Variants in TRAK1 observed in about 807,000 individuals in gnomAD.
TRAK1 encodes the protein trafficking kinesin protein 1.
A neutral mutation model predicts 92.1 loss-of-function variants in TRAK1; 33 were observed. The ratio of observed to expected loss-of-function variants is 0.36; its 90% CI spans 0.27 to 0.48. TRAK1 has a LOEUF of 0.48. TRAK1 is among the 20% of genes least tolerant of loss of function. TRAK1 has a pLI of 0.99. For synonymous variants in TRAK1, 521 were observed against 517.3 expected, an observed-to-expected ratio of 1.01 and a Z score of -0.10; for missense variants, 1,123 against 1,257.9, an observed-to-expected ratio of 0.89 and a Z score of 1.62.
At chr3:42,015,852 C>G (rs888377261) in intron 1 of TRAK1, among the ~76,000 whole-genome samples, 2 of 151,996 alleles carry the variant, frequency 1.3e-5, no homozygotes, top group African/African-American at 2.4e-5. Context: ...GCCTGGCCAA[C>G]ATGGTGAAAC....
intron 1 of TRAK1, among the ~76,000 whole-genome samples, chr3:42,052,225 C>A (rs1466492411): frequency 6.6e-6 from 1 of 152,240 alleles, no homozygotes; most frequent in Non-Finnish European, 1.5e-5. Context: ...CTTGCTCTTT[C>A]AGCAGTAGCC....
chr3:42,030,689 AATATATATATATATATATATATAT>A (rs57651073), intron 1 of TRAK1, among the ~76,000 whole-genome samples: 1,851 of 97,652 alleles, frequency 0.019, 263 homozygotes, highest in African/African-American at 0.035. Context: ...AAAAAAAAAG[AATATATATATATATATATATATAT>A]ATATATATAT....
At chr3:42,159,973 A>G (rs1399940222) in intron 2 of TRAK1, among the ~76,000 whole-genome samples, 1 of 151,662 alleles carries the variant, frequency 6.6e-6, no homozygotes, top group Admixed American at 6.6e-5. Context: ...GGAAGCTACC[A>G]CTCCTCATTG....
upstream of TRAK1, among the ~76,000 whole-genome samples, chr3:42,085,812 T>C (rs1378489085): frequency 6.6e-6 from 1 of 152,236 alleles, no homozygotes; most frequent in African/African-American, 2.4e-5. Context: ...TCATATGTAT[T>C]GTAATAGAAA....
Position 42,125,996 on chromosome 3 carries a change from G to A in TRAK1, c.286+382G>A, listed in dbSNP as rs368161967. ...CTCCCGAGTAGCTGGGGCTACAGGC[G>A]CGCACCACCATGCCCGGCTAATTTT... On this transcript the variant is annotated intron_variant, in intron 2 of 15. Coordinates refer to ENST00000327628, the MANE Select transcript of TRAK1 (RefSeq NM_001042646.3). Among the ~76,000 whole-genome samples the A allele has an allele frequency of 7.2e-5, 11 of 152,002 alleles. No individual in the cohort carries two copies. The South Asian group carries it at 1.0e-3, about 14-fold the overall frequency.
At chr3:42,105,863 T>C (rs765386035) in intron 1 of TRAK1, among the ~76,000 whole-genome samples, 60 of 152,156 alleles carry the variant, frequency 3.9e-4, no homozygotes, top group Non-Finnish European at 7.1e-4. Context: ...GGGGCCAATA[T>C]CCAACATTCT....
intron 13 of TRAK1, among the ~76,000 whole-genome samples, chr3:42,207,485 G>A (rs968877193): frequency 1.3e-5 from 2 of 152,104 alleles, no homozygotes; most frequent in East Asian, 1.9e-4. Context: ...TCTGAACCCC[G>A]GCTATGCCAC....
intron 1 of TRAK1, among the ~76,000 whole-genome samples, chr3:42,112,911 C>T (rs908585570): frequency 6.6e-6 from 1 of 152,036 alleles, no homozygotes; most frequent in African/African-American, 2.4e-5. Context: ...GCTGGGGCTA[C>T]AGGTGTGTGC....
At chr3:42,131,311 C>T (rs1697167625) in intron 2 of TRAK1, among the ~76,000 whole-genome samples, 1 of 152,170 alleles carries the variant, frequency 6.6e-6, no homozygotes, top group Non-Finnish European at 1.5e-5. Context: ...CCCAGAGTTC[C>T]CTTTTGTCTC....
intron 14 of TRAK1, among the ~76,000 whole-genome samples, chr3:42,213,054 AT>A (rs34073573): frequency 0.09 from 10,120 of 112,980 alleles, 637 homozygotes; most frequent in African/African-American, 0.25. Context: ...TGGAGCTGAG[AT>A]TTTTTTTTTT....
chr3:42,147,657 T>G (rs1326235813), intron 2 of TRAK1, among the ~76,000 whole-genome samples: 1 of 152,164 alleles, frequency 6.6e-6, no homozygotes, highest in South Asian at 2.1e-4. Flanking sequence ...GTTGGATCCT[T>G]GCAGTCCACA....
chr3:42,121,967 G>A (rs899128921), intron 1 of TRAK1, among the ~76,000 whole-genome samples: 2 of 152,082 alleles, frequency 1.3e-5, no homozygotes, highest in African/African-American at 4.8e-5. Flanking sequence ...ACCAGCGTGC[G>A]CCGCTATGCC....
intron 2 of TRAK1, among the ~76,000 whole-genome samples, chr3:42,141,686 C>G (rs184578995): frequency 6.6e-6 from 1 of 152,250 alleles, no homozygotes; most frequent in Admixed American, 6.5e-5. Context: ...CTCGACATTG[C>G]TAGGTTTGTG....
At chr3:42,205,860 T>TC (rs1708270212) in intron 13 of TRAK1, among the ~76,000 whole-genome samples, 1 of 152,236 alleles carries the variant, frequency 6.6e-6, no homozygotes, top group South Asian at 2.1e-4. Context: ...AGTCATGTTT[T>TC]CCCCACTGTC....
chr3:42,209,910 G>A lies in TRAK1; in HGVS notation c.1888G>A (p.Glu630Lys), dbSNP rs1417907503. The A allele has an allele frequency of 6.2e-7, 1 of 1,614,238 alleles. No individual in the cohort carries two copies. ...AGTGTACTGCCTTAACGACTTTGAA[G>A]AAGATGACACAGGTGACCACATTTC... ...DEVYCLNDFEEDDTGDHISLP... is the reference protein window; with the variant it reads ...DEVYCLNDFEKDDTGDHISLP... Residue 630 changes from glutamate (E) to lysine (K), a missense_variant, in exon 14 of 16, where the codon GAA becomes AAA. Physicochemically the swap from Glu to Lys is moderately conservative, Grantham distance 56 (BLOSUM62 1). Transcript: ENST00000327628.
chr3:42,150,130 T>C (rs1699797279), intron 2 of TRAK1, among the ~76,000 whole-genome samples: 1 of 151,734 alleles, frequency 6.6e-6, no homozygotes, highest in Non-Finnish European at 1.5e-5. Flanking sequence ...AGCGGGTGAT[T>C]CAAATGAAGT....
At chr3:42,199,737 G>A (rs1032991905) in intron 11 of TRAK1, among the ~76,000 whole-genome samples, 1 of 152,172 alleles carries the variant, frequency 6.6e-6, no homozygotes, top group African/African-American at 2.4e-5. Context: ...GGGATTACAG[G>A]CGTGAGCCAC....
At chr3:42,191,895 ATTTTTTT>A (rs68023368) in intron 7 of TRAK1, among the ~76,000 whole-genome samples, 2 of 72,764 alleles carry the variant, frequency 2.7e-5, no homozygotes, top group African/African-American at 1.2e-4. Flanking sequence ...GAATATTGGA[ATTTTTTT>A]TTTTTTTTTT....
chr3:42,220,268 TGGA>T (rs1710210662), intron 15 of TRAK1, among the ~76,000 whole-genome samples: 1 of 152,196 alleles, frequency 6.6e-6, no homozygotes, highest in Non-Finnish European at 1.5e-5. Context: ...CATTTCTCTC[TGGA>T]GCACCATCTA....
Sources: allele counts gnomAD v4.1 joint callset (sites outside exome capture counted in the v4.1 genomes callset), GRCh38; gene constraint gnomAD v4.1.1; transcripts MANE v1.5; gene names NCBI Gene and HGNC (gene_info 2026-07-23, HGNC 2026-07-21).